The following KLF12 variants were observed in gnomAD, a reference collection of about 807,000 sequenced individuals.
KLF12 encodes Krueppel-like factor 12.
KLF12 carries 9 observed loss-of-function variants against 37.8 expected under a neutral mutation model. That is an observed-to-expected ratio of 0.24 (90% CI 0.14 to 0.42). The LOEUF is 0.42. Ranked by LOEUF, KLF12 falls within the 10% of genes least tolerant of loss-of-function variation. KLF12 has a pLI of 1.00. For synonymous variants in KLF12, 208 were observed against 202.1 expected, an observed-to-expected ratio of 1.03 and a Z score of -0.25; for missense variants, 411 against 516.0, an observed-to-expected ratio of 0.80 and a Z score of 1.97.
chr13:73,708,872 A>G (rs559117588), intron 7 of KLF12, among the ~76,000 whole-genome samples: 9 of 152,344 alleles, frequency 5.9e-5, no homozygotes, highest in African/African-American at 2.2e-4. Context: ...ATTTGTGAAT[A>G]TGCATATTTA....
intron 5 of KLF12, among the ~76,000 whole-genome samples, chr13:73,786,120 T>G (rs1313566615): frequency 6.6e-6 from 1 of 151,684 alleles, no homozygotes; most frequent in Non-Finnish European, 1.5e-5. Flanking sequence ...CGTAAGTCAT[T>G]CTGGGGCAGC....
chr13:74,002,710 GA>G (rs1277347002), intron 1 of KLF12, among the ~76,000 whole-genome samples: 2 of 152,172 alleles, frequency 1.3e-5, no homozygotes, highest in Non-Finnish European at 2.9e-5. Context: ...TTTAAAAATG[GA>G]AAAATACTAA....
At chr13:74,016,862 T>A (rs1323976507) in intron 1 of KLF12, among the ~76,000 whole-genome samples, 1 of 152,200 alleles carries the variant, frequency 6.6e-6, no homozygotes, top group Non-Finnish European at 1.5e-5. Context: ...TGCTGTAAAC[T>A]GGAAACAATC....
At chr13:73,942,464 A>T (rs1306900791) in intron 3 of KLF12, among the ~76,000 whole-genome samples, 1 of 152,136 alleles carries the variant, frequency 6.6e-6, no homozygotes, top group African/African-American at 2.4e-5. Flanking sequence ...ATGAATTAAG[A>T]AAACAGAACT....
chr13:74,204,125 C>G, the KLF12 span, among the ~76,000 whole-genome samples: 6 of 152,248 alleles, frequency 3.9e-5, no homozygotes, highest in African/African-American at 1.4e-4. Flanking sequence ...AATGATACAA[C>G]TCTGGTTTTT....
chr13:74,118,067 T>C (rs1031837060), intron 1 of KLF12, among the ~76,000 whole-genome samples: 1 of 152,110 alleles, frequency 6.6e-6, no homozygotes, highest in Admixed American at 6.5e-5. Flanking sequence ...TCATTACACA[T>C]TGTTAGTTTT....
intron 2 of KLF12, among the ~76,000 whole-genome samples, chr13:73,963,797 G>GA (rs1194037213): frequency 3.3e-5 from 5 of 152,062 alleles, no homozygotes; most frequent in East Asian, 1.9e-4. Context: ...GTAATTACTT[G>GA]AAAAAACATT....
Position 73,689,144 on chromosome 13 carries a change from T to A in KLF12, c.*6346A>T, listed in dbSNP as rs4885111. On this transcript the variant is annotated 3_prime_UTR_variant, in exon 8 of 8. Coordinates refer to ENST00000377669, the MANE Select transcript of KLF12 (RefSeq NM_007249.5). ...TTTAGTTTTTTCAGACAACACATGG[T>A]AAGAAGCCCAGTCAGAAGACTTGAC... 149,948 of 152,228 alleles carry A rather than the reference T, an allele frequency of 0.99. 73,886 individuals carry two copies. The highest frequency in any genetic ancestry group is 1 in the Middle Eastern group (294 of 294). 9.4% of individuals were successfully genotyped at this position (152,228 alleles called of 1,614,324 possible).
chr13:73,703,598 T>C (rs951768023), intron 7 of KLF12, among the ~76,000 whole-genome samples: 2 of 152,228 alleles, frequency 1.3e-5, no homozygotes, highest in African/African-American at 4.8e-5. Flanking sequence ...TATTCTCTAA[T>C]AAGTATTGTT....
chr13:74,293,677 A>G, the KLF12 span, among the ~76,000 whole-genome samples: 1 of 152,218 alleles, frequency 6.6e-6, no homozygotes, highest in Non-Finnish European at 1.5e-5. Flanking sequence ...CCCTGCTGAC[A>G]TTCCAAACGA....
At chr13:74,064,756 T>C (rs1873809170) in intron 1 of KLF12, among the ~76,000 whole-genome samples, 1 of 152,194 alleles carries the variant, frequency 6.6e-6, no homozygotes, top group African/African-American at 2.4e-5. Context: ...CCATCAAATT[T>C]TAGACCATAA....
chr13:73,905,310 G>A (rs1179058693), intron 3 of KLF12, among the ~76,000 whole-genome samples: 1 of 149,850 alleles, frequency 6.7e-6, no homozygotes, highest in East Asian at 1.9e-4. Flanking sequence ...AATCTTTCCT[G>A]CCAAGCTAAA....
intron 5 of KLF12, chr13:73,801,523 A>G (rs1489890343): frequency 6.6e-6 from 1 of 152,152 alleles, no homozygotes; most frequent in Admixed American, 6.6e-5. Context: ...TGCATGAGAA[A>G]TGACTACCTA....
the KLF12 span, among the ~76,000 whole-genome samples, chr13:74,297,393 A>G: frequency 6.6e-6 from 1 of 152,188 alleles, no homozygotes; most frequent in Non-Finnish European, 1.5e-5. Flanking sequence ...CGAACCTTTA[A>G]TATGTCACTG....
chr13:74,030,480 T>A (rs1262806029), intron 1 of KLF12, among the ~76,000 whole-genome samples: 2 of 152,098 alleles, frequency 1.3e-5, no homozygotes, highest in Non-Finnish European at 2.9e-5. Context: ...CACCCTACCT[T>A]AAGATGGGCC....
intron 3 of KLF12, among the ~76,000 whole-genome samples, chr13:73,854,586 A>T (rs1283857548): frequency 6.6e-6 from 1 of 152,204 alleles, no homozygotes; most frequent in Non-Finnish European, 1.5e-5. Context: ...TGCTTTTTGG[A>T]TAACCCAGTG....
At chr13:74,288,105 G>A in the KLF12 span, among the ~76,000 whole-genome samples, 2 of 151,978 alleles carry the variant, frequency 1.3e-5, no homozygotes, top group Admixed American at 6.6e-5. Flanking sequence ...AGAACTAGGC[G>A]GCTTTCTGAT....
At chr13:74,148,524 G>A in the KLF12 span, among the ~76,000 whole-genome samples, 1 of 115,660 alleles carries the variant, frequency 8.6e-6, no homozygotes, top group Non-Finnish European at 1.6e-5. Context: ...TACTAAATCT[G>A]CATTGGCTAA....
At chr13:73,740,256 G>A (rs1171298947) in intron 6 of KLF12, among the ~76,000 whole-genome samples, 1 of 152,174 alleles carries the variant, frequency 6.6e-6, no homozygotes, top group African/African-American at 2.4e-5. Context: ...TCTACCATGT[G>A]AAGACACAGT....
Sources: allele counts gnomAD v4.1 joint callset (sites outside exome capture counted in the v4.1 genomes callset), GRCh38; gene constraint gnomAD v4.1.1; transcripts MANE v1.5; gene names NCBI Gene and HGNC (gene_info 2026-07-23, HGNC 2026-07-21).